The following CERT1 variants were observed in gnomAD, a reference collection of about 807,000 sequenced individuals.
The protein encoded by CERT1 is ceramide transfer protein.
A neutral mutation model predicts 87.9 loss-of-function variants in CERT1; 31 were observed. The ratio of observed to expected loss-of-function variants is 0.35; its 90% CI spans 0.27 to 0.48. CERT1 has a LOEUF of 0.48. CERT1 is among the 20% of genes least tolerant of loss of function. The pLI is 0.99. For synonymous variants in CERT1, 289 were observed against 250.9 expected (o/e 1.15, Z -1.44); for missense variants, 487 against 758.0 (o/e 0.64, Z 4.20).
At chr5:75,482,931 C>T (rs187497379) in intron 2 of CERT1, among the ~76,000 whole-genome samples, 15 of 151,282 alleles carry the variant, frequency 9.9e-5, no homozygotes, top group African/African-American at 3.4e-4. Context: ...ACAAAGAAGC[C>T]CACACTGCGA....
At chr5:75,472,922 G>A (rs1172423627) in intron 2 of CERT1, among the ~76,000 whole-genome samples, 1 of 152,044 alleles carries the variant, frequency 6.6e-6, no homozygotes, top group East Asian at 1.9e-4. Context: ...TATATCTAAA[G>A]TAAATAAAAT....
In CERT1 at chr5:75,425,445, A is replaced by G; in HGVS notation, c.511T>C (p.Leu171=). 1 of 1,614,056 alleles carries G rather than the reference A, an allele frequency of 6.2e-7. No homozygotes were observed. Among genetic ancestry groups the G allele is most frequent in the East Asian group, 2.2e-5 (1 of 44,872 alleles). The change falls in exon 5 of 17, where the codon TTA becomes CTA. Residue 171 remains leucine (L), a synonymous_variant. Coordinates refer to ENST00000643780, the MANE Select transcript of CERT1 (RefSeq NM_001379029.1). ...TGTAGCGTGTCAACTTGTCTACATA[A>G]GATGTCTCTAAATGTTTCCATTTCA... ...LAEMETFRDI[L]CRQVDTLQKY...
At chr5:75,464,713 C>A (rs1765388293) in intron 2 of CERT1, among the ~76,000 whole-genome samples, 1 of 152,078 alleles carries the variant, frequency 6.6e-6, no homozygotes, top group Non-Finnish European at 1.5e-5. Flanking sequence ...GTAGCTGAGA[C>A]CACAGATGCA....
chr5:75,374,318 A>C, downstream of CERT1: 1 of 500,810 alleles, frequency 2.0e-6, no homozygotes. Flanking sequence ...TGGAATCTCT[A>C]TTAAAATTTA....
At chr5:75,383,593 C>T (rs112917186) in intron 14 of CERT1, among the ~76,000 whole-genome samples, 70 of 152,080 alleles carry the variant, frequency 4.6e-4, no homozygotes, top group Middle Eastern at 3.4e-3. Context: ...GAGCAGCTAC[C>T]GTGTAAAATT....
At chr5:75,511,630 ACCCTC>A, upstream of CERT1, 1 of 1,480,796 alleles carries the variant, frequency 6.8e-7, no homozygotes, top group South Asian at 1.4e-5. Context: ...CCCACTATTT[ACCCTC>A]CCCTCCCCTG....
At chr5:75,414,524 T>A (rs537898795) in intron 7 of CERT1, among the ~76,000 whole-genome samples, 7 of 152,138 alleles carry the variant, frequency 4.6e-5, no homozygotes, top group Non-Finnish European at 8.8e-5. Flanking sequence ...AGAAAATGTA[T>A]CTTCAATGAA....
At chr5:75,469,478 C>A (rs1262739945) in intron 2 of CERT1, among the ~76,000 whole-genome samples, 1 of 151,766 alleles carries the variant, frequency 6.6e-6, no homozygotes. Context: ...ATTGTAACAT[C>A]AAAAATTCAA....
chr5:75,462,990 C>CAAAA (rs1174306526), intron 2 of CERT1, among the ~76,000 whole-genome samples: 19 of 38,872 alleles, frequency 4.9e-4, no homozygotes, highest in African/African-American at 1.3e-3. Context: ...GACTCCGTCT[C>CAAAA]AAAAAAAAAA....
chr5:75,411,519 T>G (rs1169864796), intron 7 of CERT1, among the ~76,000 whole-genome samples: 1 of 152,076 alleles, frequency 6.6e-6, no homozygotes, highest in Non-Finnish European at 1.5e-5. Flanking sequence ...TCACTATGTT[T>G]GTCAGGCTTT....
At chr5:75,434,787 T>C (rs771348207) in intron 3 of CERT1, among the ~76,000 whole-genome samples, 2 of 151,986 alleles carry the variant, frequency 1.3e-5, no homozygotes, top group Non-Finnish European at 2.9e-5. Flanking sequence ...TGCACAGAGG[T>C]TTTTAATCTC....
chr5:75,372,864 G>A (rs1250928383), downstream of CERT1: 1 of 152,132 alleles, frequency 6.6e-6, no homozygotes, highest in East Asian at 1.9e-4. Flanking sequence ...TGTTTTTACA[G>A]AGCTGAACAA....
At chr5:75,490,749 C>T (rs1453649584) in intron 2 of CERT1, among the ~76,000 whole-genome samples, 7 of 152,146 alleles carry the variant, frequency 4.6e-5, no homozygotes, top group African/African-American at 1.7e-4. Flanking sequence ...CCGCCCACCT[C>T]GGCCTCCCAA....
chr5:75,408,087 G>A lies in CERT1; in HGVS notation c.930+2924C>T, dbSNP rs144178570. ...AATAATGAAGGAATTCTTAATAGGA[G>A]CCATTTAGGATTAAACAAGTTTTAC... is the stretch of plus-strand genomic sequence containing the variant. On this transcript the variant is annotated intron_variant, in intron 8 of 16. Transcript: ENST00000643780. Among the ~76,000 whole-genome samples, 315 of 152,130 alleles carry A rather than the reference G, an allele frequency of 2.1e-3. 1 individual carries two copies. In the East Asian group the frequency reaches 0.027, roughly 13 times the overall value.
At chr5:75,441,553 T>C (rs1422572807) in intron 3 of CERT1, among the ~76,000 whole-genome samples, 1 of 152,166 alleles carries the variant, frequency 6.6e-6, no homozygotes, top group African/African-American at 2.4e-5. Context: ...TGAAACTCTA[T>C]ACCCATTAAA....
intron 3 of CERT1, among the ~76,000 whole-genome samples, chr5:75,441,180 T>G (rs1043445430): frequency 6.6e-5 from 10 of 152,212 alleles, no homozygotes; most frequent in Non-Finnish European, 1.0e-4. Context: ...TTGTACCTTT[T>G]CTATGTTTTG....
intron 2 of CERT1, among the ~76,000 whole-genome samples, chr5:75,502,663 AAGTTTGGTTGTCCCT>A (rs1767431653): frequency 6.6e-6 from 1 of 152,120 alleles, no homozygotes; most frequent in Admixed American, 6.5e-5. Context: ...CCAGAAATTT[AAGTTTGGTTGTCCCT>A]CAAGTGCAAG....
At chr5:75,369,766 A>C (rs1266743922) in intron 17 of CERT1, 13 of 152,286 alleles carry the variant, frequency 8.5e-5, no homozygotes, top group Non-Finnish European at 1.5e-5. Flanking sequence ...CAGAGATCTT[A>C]AAGATTTGTT....
chr5:75,412,624 C>T (rs556685202), intron 7 of CERT1, among the ~76,000 whole-genome samples: 65 of 152,290 alleles, frequency 4.3e-4, no homozygotes, highest in Non-Finnish European at 3.1e-4. Context: ...AGGCTATAAA[C>T]ATTTACAACA....
Sources: allele counts gnomAD v4.1 joint callset (sites outside exome capture counted in the v4.1 genomes callset), GRCh38; gene constraint gnomAD v4.1.1; transcripts MANE v1.5; gene names NCBI Gene and HGNC (gene_info 2026-07-23, HGNC 2026-07-21).